BRINP1: variants seen among roughly 807,000 people sequenced by gnomAD.
BRINP1 encodes the protein BMP/retinoic acid-inducible neural-specific protein 1.
In BRINP1, 17 loss-of-function variants were observed where a neutral mutation model predicts 72.9. The ratio of observed to expected loss-of-function variants is 0.23; its 90% confidence interval spans 0.16 to 0.35. BRINP1 has a LOEUF of 0.35. Among genes scored for constraint, BRINP1 ranks in the 10% least tolerant of loss-of-function variants. The pLI is 1.00. For synonymous variants in BRINP1, 418 were observed against 378.5 expected, an observed-to-expected ratio of 1.10 and a Z score of -1.21; for missense variants, 850 against 1,001.6, an observed-to-expected ratio of 0.85 and a Z score of 2.04.
At chr9:119,235,086 C>A (rs186410125) in intron 5 of BRINP1, among the ~76,000 whole-genome samples, 1 of 152,068 alleles carries the variant, frequency 6.6e-6, no homozygotes, top group East Asian at 1.9e-4. Flanking sequence ...GGTCTAAATC[C>A]GTGGCATTTC....
At chr9:119,209,055 T>G in intron 6 of BRINP1, 114 bp from the exon 7 acceptor site, 1 of 853,594 alleles carries the variant, frequency 1.2e-6, no homozygotes, top group Non-Finnish European at 1.8e-6. Flanking sequence ...ACATAATTTT[T>G]TTTTCTTAAG....
chr9:119,349,591 G>A (rs563357668), intron 1 of BRINP1, among the ~76,000 whole-genome samples: 6 of 152,132 alleles, frequency 3.9e-5, no homozygotes, highest in Non-Finnish European at 8.8e-5. Flanking sequence ...CTGGGAACCC[G>A]GGGTTGGCCT....
At chr9:119,179,835 G>C (rs1300903301) in intron 7 of BRINP1, among the ~76,000 whole-genome samples, 1 of 152,128 alleles carries the variant, frequency 6.6e-6, no homozygotes, top group East Asian at 1.9e-4. Flanking sequence ...AGAGGCTCTG[G>C]ACCATGTTAA....
At chr9:119,353,511 C>T (rs10123618) in intron 1 of BRINP1, among the ~76,000 whole-genome samples, 59,889 of 152,012 alleles carry the variant, frequency 0.39, 12,010 homozygotes, top group African/African-American at 0.41. Flanking sequence ...ACTCTGTGGT[C>T]TCATGTTAGA....
At chr9:119,325,864 T>C (rs1267071942) in intron 1 of BRINP1, among the ~76,000 whole-genome samples, 2 of 152,188 alleles carry the variant, frequency 1.3e-5, no homozygotes, top group African/African-American at 2.4e-5. Flanking sequence ...ACTCATCTTG[T>C]TCTCCAGATT....
At chr9:119,363,111 G>GT (rs780647992) in intron 1 of BRINP1, among the ~76,000 whole-genome samples, 57 of 152,244 alleles carry the variant, frequency 3.7e-4, no homozygotes, top group Non-Finnish European at 5.9e-4. Flanking sequence ...GTTTTGTTTT[G>GT]TTTTTTGAAA....
At chr9:119,182,456 A>G (rs1391639575) in intron 7 of BRINP1, among the ~76,000 whole-genome samples, 1 of 152,222 alleles carries the variant, frequency 6.6e-6, no homozygotes, top group African/African-American at 2.4e-5. Context: ...GAAAGCTTGT[A>G]TACCCCTCCC....
chr9:119,181,281 T>G (rs1829553998), intron 7 of BRINP1, among the ~76,000 whole-genome samples: 2 of 152,166 alleles, frequency 1.3e-5, no homozygotes, highest in Non-Finnish European at 2.9e-5. Flanking sequence ...CAGGGTCTAG[T>G]GGGCCTTAAC....
intron 2 of BRINP1, among the ~76,000 whole-genome samples, chr9:119,274,022 A>T (rs748482654): frequency 2.6e-5 from 4 of 152,356 alleles, no homozygotes; most frequent in Admixed American, 6.5e-5. Context: ...AAATGAGATT[A>T]TTCTGGATAC....
At chr9:119,355,644 G>A (rs1437929117) in intron 1 of BRINP1, among the ~76,000 whole-genome samples, 1 of 151,466 alleles carries the variant, frequency 6.6e-6, no homozygotes, top group African/African-American at 2.4e-5. Context: ...CAGGAGAATG[G>A]TGTGAACCTG....
intron 7 of BRINP1, among the ~76,000 whole-genome samples, chr9:119,196,939 T>C (rs887404975): frequency 6.6e-6 from 1 of 152,220 alleles, no homozygotes; most frequent in Non-Finnish European, 1.5e-5. Context: ...AGCATAATCA[T>C]CCCTCAGCTC....
chr9:119,283,638 T>C (rs1239353490), intron 2 of BRINP1, among the ~76,000 whole-genome samples: 27 of 152,154 alleles, frequency 1.8e-4, no homozygotes, highest in Non-Finnish European at 1.5e-5. Context: ...AAGCAATTGA[T>C]TCTCTTGCCT....
intron 2 of BRINP1, among the ~76,000 whole-genome samples, chr9:119,258,050 T>C (rs563241904): frequency 6.6e-6 from 1 of 152,330 alleles, no homozygotes; most frequent in East Asian, 1.9e-4. Context: ...ATTATTTTAA[T>C]TACAAGTAAA....
chr9:119,336,431 G>A (rs910358593), intron 1 of BRINP1, among the ~76,000 whole-genome samples: 2 of 151,992 alleles, frequency 1.3e-5, no homozygotes, highest in African/African-American at 4.8e-5. Flanking sequence ...TCCCAAATTC[G>A]GCTTCTCATT....
intron 7 of BRINP1, among the ~76,000 whole-genome samples, chr9:119,178,318 G>A (rs556484769): frequency 1.3e-5 from 2 of 152,280 alleles, no homozygotes; most frequent in South Asian, 4.1e-4. Context: ...GGGCAGAGAG[G>A]TAAAGCAATG....
intron 1 of BRINP1, among the ~76,000 whole-genome samples, chr9:119,332,721 A>C (rs1831311556): frequency 6.6e-6 from 1 of 152,092 alleles, no homozygotes; most frequent in Non-Finnish European, 1.5e-5. Context: ...ATTAGAGTAG[A>C]GCACCCCCCT....
At chr9:119,334,694 A>G (rs1277068096) in intron 1 of BRINP1, among the ~76,000 whole-genome samples, 1 of 145,542 alleles carries the variant, frequency 6.9e-6, no homozygotes, top group Non-Finnish European at 1.5e-5. Context: ...GTGTTTTCTT[A>G]TGTTCCTTCC....
At chr9:119,232,967 A>C (rs934131445) in intron 5 of BRINP1, among the ~76,000 whole-genome samples, 1 of 151,446 alleles carries the variant, frequency 6.6e-6, no homozygotes, top group Non-Finnish European at 1.5e-5. Flanking sequence ...ATAGCCTCTG[A>C]TCATTCTCAT....
At chr9:119,312,537 T>C (rs1831078089) in intron 2 of BRINP1, among the ~76,000 whole-genome samples, 1 of 152,168 alleles carries the variant, frequency 6.6e-6, no homozygotes, top group African/African-American at 2.4e-5. Context: ...GAGGAAAGAA[T>C]TTGGGCTAAG....
Sources: gnomAD v4.1 joint callset for allele counts (sites outside exome capture counted in the v4.1 genomes callset) on GRCh38, gnomAD v4.1.1 for gene constraint, MANE v1.5 for transcripts, NCBI Gene and HGNC (gene_info 2026-07-23, HGNC 2026-07-21) for gene names.